CDKL3: variants seen among roughly 807,000 people sequenced by gnomAD.
The protein encoded by CDKL3 is cyclin dependent kinase like 3.
CDKL3 carries 65 observed loss-of-function variants against 69.3 expected under a neutral mutation model. The ratio of observed to expected loss-of-function variants is 0.94; its 90% confidence interval spans 0.77 to 1.15. The LOEUF (loss-of-function observed/expected upper bound fraction) is 1.15. Ranked by LOEUF, CDKL3 falls within the 50% of genes most tolerant of loss-of-function variation. The pLI is 0.00. For missense variants in CDKL3, 652 were observed against 689.2 expected (o/e 0.95, Z 0.61); for synonymous variants, 202 against 221.6 (o/e 0.91, Z 0.79).
At chr5:134,338,969 C>T (rs982321173) in intron 4 of CDKL3, among the ~76,000 whole-genome samples, 9 of 151,996 alleles carry the variant, frequency 5.9e-5, no homozygotes, top group Admixed American at 2.6e-4. Flanking sequence ...GCCTGGCCAA[C>T]GTGGTGAAAC....
downstream of CDKL3, among the ~76,000 whole-genome samples, chr5:134,297,195 G>A (rs1298713792): frequency 2.6e-5 from 4 of 151,944 alleles, no homozygotes; most frequent in Admixed American, 6.6e-5. Context: ...CAGGTGATCC[G>A]CCTGCCTTGG....
At chr5:134,305,777 C>G (rs1405313666) in intron 10 of CDKL3, among the ~76,000 whole-genome samples, 1 of 152,136 alleles carries the variant, frequency 6.6e-6, no homozygotes, top group South Asian at 2.1e-4. Flanking sequence ...TAACATTGTG[C>G]TTCAATTTTG....
chr5:134,308,666 G>T lies in CDKL3; in HGVS notation c.943C>A (p.Pro315Thr). 6.2e-7 allele frequency: 1 copy of T among 1,607,832 alleles called. No individual in the cohort carries two copies. The highest frequency in any genetic ancestry group is 8.5e-7 in the Non-Finnish European group (1 of 1,178,282). ...QEAKVNSLIKPKESSKENELR... is the reference protein window; with the variant it reads ...QEAKVNSLIKTKESSKENELR... Reference sequence around the variant, plus strand: ...TCATTTTCTTTAGAACTCTCTTTTGGCTTTATTAATGAATTGACTTTTGCT... The same window carrying T: ...TCATTTTCTTTAGAACTCTCTTTTGTCTTTATTAATGAATTGACTTTTGCT... Residue 315 changes from proline to threonine, a missense_variant, in exon 8 of 13, where the codon CCA (proline) becomes ACA (threonine). Physicochemically the swap from Pro to Thr is conservative, Grantham distance 38. Transcript: ENST00000265334.
chr5:134,328,240 C>T (rs1189267140), intron 4 of CDKL3, among the ~76,000 whole-genome samples: 1 of 151,928 alleles, frequency 6.6e-6, no homozygotes, highest in Non-Finnish European at 1.5e-5. Flanking sequence ...AATATGTTCA[C>T]AGAACTAAAG....
intron 3 of CDKL3, among the ~76,000 whole-genome samples, chr5:134,354,833 G>A (rs1754174986): frequency 1.3e-5 from 2 of 152,152 alleles, no homozygotes; most frequent in South Asian, 2.1e-4. Context: ...TATAGTCCCA[G>A]CTACTCACGA....
rs770463097 is a variant in CDKL3 at position 134,331,575 on chromosome 5, T to C, written c.540-9672A>G. On this transcript the variant is annotated intron_variant, in intron 4 of 12. Transcript: ENST00000265334. ...TGTTTGGTTTTCTGTCCTTGTGATA[T>C]TTTGCTGAGAATGATGGTTTCCAGC... Among the ~76,000 whole-genome samples the C allele has an allele frequency of 1.1e-4, 16 of 152,232 alleles. No individual in the cohort carries two copies. The South Asian group carries it at 2.1e-3, about 20-fold the overall frequency.
chr5:134,366,310 A>C (rs932151103), intron 2 of CDKL3, 49 bp downstream of exon 2: 2 of 1,363,480 alleles, frequency 1.5e-6, no homozygotes, highest in Non-Finnish European at 2.0e-6. Context: ...TTTTTATTCC[A>C]TAACAATTTT....
chr5:134,303,683 C>A (rs1580807936), intron 11 of CDKL3, among the ~76,000 whole-genome samples: 1 of 146,846 alleles, frequency 6.8e-6, no homozygotes, highest in African/African-American at 2.5e-5. Context: ...CCCCCCGTCT[C>A]TACTAAAAAT....
intron 10 of CDKL3, among the ~76,000 whole-genome samples, chr5:134,306,180 A>AT (rs1289011782): frequency 6.6e-6 from 1 of 152,182 alleles, no homozygotes. Flanking sequence ...GAAGAAAAAA[A>AT]GAAACTTAAA....
At chr5:134,326,821 A>G (rs1240235481) in intron 4 of CDKL3, among the ~76,000 whole-genome samples, 8 of 105,524 alleles carry the variant, frequency 7.6e-5, no homozygotes, top group African/African-American at 2.2e-4. Flanking sequence ...GTGTGTGTAT[A>G]TATATATATA....
chr5:134,363,328 C>G (rs1244656012), intron 2 of CDKL3, among the ~76,000 whole-genome samples: 2 of 152,118 alleles, frequency 1.3e-5, no homozygotes, highest in African/African-American at 2.4e-5. Flanking sequence ...GAGTCTCGCT[C>G]TGCTGCCCAG....
At chr5:134,322,835 C>T (rs960187727) in intron 4 of CDKL3, among the ~76,000 whole-genome samples, 2 of 151,940 alleles carry the variant, frequency 1.3e-5, no homozygotes, top group African/African-American at 4.8e-5. Context: ...CAAAATTAGC[C>T]GGGTGTGGTG....
At chr5:134,370,890 G>C (rs1400871116), upstream of CDKL3, 5 of 152,540 alleles carry the variant, frequency 3.3e-5, no homozygotes, top group Admixed American at 6.5e-5. Flanking sequence ...ACAAGCTGTT[G>C]ATTCTGCCAT....
At chr5:134,284,358 G>A (rs116263325), downstream of CDKL3, among the ~76,000 whole-genome samples, 2,694 of 152,268 alleles carry the variant, frequency 0.018, 94 homozygotes, top group African/African-American at 0.062. Flanking sequence ...ATTTCAAAAG[G>A]GGAGGGGGAT....
chr5:134,284,661 G>C (rs1279230621), downstream of CDKL3, among the ~76,000 whole-genome samples: 2 of 152,208 alleles, frequency 1.3e-5, no homozygotes, highest in Non-Finnish European at 2.9e-5. Flanking sequence ...AACTGCACAA[G>C]ACAGATACTC....
intron 3 of CDKL3, among the ~76,000 whole-genome samples, chr5:134,356,056 A>G (rs1245718044): frequency 6.6e-6 from 1 of 152,216 alleles, no homozygotes; most frequent in Admixed American, 6.5e-5. Flanking sequence ...ACATTATACT[A>G]TACAATGAAA....
intron 4 of CDKL3, among the ~76,000 whole-genome samples, chr5:134,329,202 G>A (rs1373006824): frequency 6.6e-6 from 1 of 152,134 alleles, no homozygotes; most frequent in African/African-American, 2.4e-5. Flanking sequence ...GGTGGGTGTG[G>A]TGGCACATGC....
At chr5:134,312,645 A>C (rs552094955) in intron 6 of CDKL3, among the ~76,000 whole-genome samples, 49 of 152,378 alleles carry the variant, frequency 3.2e-4, no homozygotes, top group Non-Finnish European at 6.6e-4. Context: ...TGCTGAAATT[A>C]GCAAAAATTA....
rs369318547 is a variant in CDKL3, at chr5:134,314,880, T to TTG, written c.793-2502_793-2501dup. On this transcript the variant is annotated intron_variant, in intron 6 of 12. Transcript: ENST00000265334. ...GAAATGTTAGGTATCGTGTGTGTGTTTGTGTGTGTGTGTGTTAGGTATCCT... is the reference window on the plus strand; with the variant it reads ...GAAATGTTAGGTATCGTGTGTGTGTTTGTGTGTGTGTGTGTGTTAGGTATCCT... 5.3e-5 allele frequency among the ~76,000 whole-genome samples: 8 copies of TTG among 151,476 alleles called. No individual in the cohort carries two copies. The East Asian group carries it at 7.7e-4, about 15-fold the overall frequency.
Sources: allele counts gnomAD v4.1 joint callset (sites outside exome capture counted in the v4.1 genomes callset), GRCh38; gene constraint gnomAD v4.1.1; transcripts MANE v1.5; gene names NCBI Gene and HGNC (gene_info 2026-07-23, HGNC 2026-07-21).